SETD5: variants seen among roughly 807,000 people sequenced by gnomAD.
SETD5 encodes the protein histone-lysine N-methyltransferase SETD5.
Under a neutral mutation model 153.3 loss-of-function variants are expected in SETD5, and 44 were observed. That is an observed-to-expected ratio of 0.29 (90% CI 0.23 to 0.37). The LOEUF is 0.37. Among genes scored for constraint, SETD5 ranks in the 10% least tolerant of loss-of-function variants. SETD5 has a pLI of 1.00. For synonymous variants in SETD5, 716 were observed against 645.2 expected (o/e 1.11, Z -1.66); for missense variants, 1,544 against 1,768.0 (o/e 0.87, Z 2.27).
intron 18 of SETD5, among the ~76,000 whole-genome samples, chr3:9,466,569 C>T (rs1021039609): frequency 5.3e-5 from 8 of 152,016 alleles, no homozygotes; most frequent in African/African-American, 1.9e-4. Flanking sequence ...GGAAATTTTA[C>T]CTTTCTCATC....
chr3:9,464,457 C>T lies in SETD5; in HGVS notation c.2509C>T (p.Arg837Cys), dbSNP rs2044326903. 6.2e-7 allele frequency: 1 copy of T among 1,612,784 alleles called. No individual in the cohort carries two copies. The highest frequency in any genetic ancestry group is 1.3e-5 in the African/African-American group (1 of 75,010). ...GAGCCCATTAAAGAAATGGAAGTCTCGCTATCTGATGGAGCAGAATGTCAC... is the reference window on the plus strand; with the variant it reads ...GAGCCCATTAAAGAAATGGAAGTCTTGCTATCTGATGGAGCAGAATGTCAC... ...LLSPLKKWKS[R>C]YLMEQNVTKL... Residue 837 changes from arginine (R) to cysteine (C), a missense_variant, in exon 18 of 23, where the codon CGC (arginine) becomes TGC (cysteine). By Grantham distance (180) the Arg-to-Cys change is radical. Coordinates refer to ENST00000402198, the MANE Select transcript of SETD5 (RefSeq NM_001080517.3).
chr3:9,452,725 G>C (rs1449073001), intron 16 of SETD5, among the ~76,000 whole-genome samples: 1 of 142,214 alleles, frequency 7.0e-6, no homozygotes, highest in South Asian at 2.2e-4. Context: ...TTCTAAGAGG[G>C]AAAATCTATG....
chr3:9,397,771 C>G lies in SETD5; in HGVS notation c.-383C>G. 1 of 158,106 alleles carries G rather than the reference C, an allele frequency of 6.3e-6. No homozygotes were observed. Among genetic ancestry groups the G allele is most frequent in the Non-Finnish European group, 1.4e-5 (1 of 72,984 alleles). 9.8% of individuals were successfully genotyped at this position (158,106 alleles called of 1,614,324 possible). ...CGCCAGTCCGCCAACACAGTAGTGC[C>G]GGCCCCCCTCTTTCCCTGGCCCTGC... On this transcript the variant is annotated 5_prime_UTR_variant, in exon 1 of 23. Coordinates refer to ENST00000402198, the MANE Select transcript of SETD5 (RefSeq NM_001080517.3).
rs188981638 is a variant in SETD5, at chr3:9,450,782, G to T, written c.2346+2152G>T. ...CACTGTTTCATATCTCACTAAAGAG[G>T]TAAGGGCCTGGCCTTGTAAGTTAAA... On this transcript the variant is annotated intron_variant, in intron 16 of 22. Transcript: ENST00000402198. 1.5e-3 allele frequency among the ~76,000 whole-genome samples: 234 copies of T among 152,252 alleles called. 2 individuals are homozygous for T. The highest frequency in any genetic ancestry group is 1.0e-3 in the Non-Finnish European group (70 of 68,014).
At position 9,473,491 on chromosome 3, in the gene SETD5, A is replaced by G. The variant is rs2045547145; in HGVS notation, c.3451A>G (p.Thr1151Ala). The change falls in exon 20 of 23, where the codon ACT becomes GCT. Residue 1151 changes from threonine to alanine, a missense_variant. Thr to Ala is a moderately conservative substitution (Grantham distance 58). Coordinates refer to ENST00000402198, the MANE Select transcript of SETD5 (RefSeq NM_001080517.3). ...GGTAAGCCCATCAGATTCCAGAGGC[A>G]CTTCTTCATCTCACTGCAGACCTCA... ...EAVSPSDSRG[T>A]SSSHCRPQEN... 6.2e-7 allele frequency: 1 copy of G among 1,613,588 alleles called. No homozygotes were observed. The highest frequency in any genetic ancestry group is 8.5e-7 in the Non-Finnish European group (1 of 1,179,808).
chr3:9,413,477 A>T (rs1467937330), intron 1 of SETD5, among the ~76,000 whole-genome samples: 1 of 151,916 alleles, frequency 6.6e-6, no homozygotes, highest in African/African-American at 2.4e-5. Context: ...CCCTGACTTT[A>T]TTGCTGCCCA....
chr3:9,413,237 A>G (rs1041072960), intron 1 of SETD5, among the ~76,000 whole-genome samples: 2 of 152,164 alleles, frequency 1.3e-5, no homozygotes, highest in Non-Finnish European at 2.9e-5. Context: ...TAATGAGTTT[A>G]TACTAAGAGG....
chr3:9,474,322 T>C, intron 20 of SETD5, 127 bp from the exon 21 acceptor site: 1 of 1,079,688 alleles, frequency 9.3e-7, no homozygotes, highest in South Asian at 1.9e-5. Flanking sequence ...ATACGTTGTT[T>C]TAAATTGGTT....
chr3:9,443,233 A>C (rs1211453304), intron 10 of SETD5, 75 bp from the exon 11 acceptor site: 1 of 1,039,528 alleles, frequency 9.6e-7, no homozygotes. Context: ...AATGGAGAGA[A>C]AGTATGGTTT....
intron 1 of SETD5, among the ~76,000 whole-genome samples, chr3:9,411,157 C>A (rs149343873): frequency 6.6e-6 from 1 of 152,122 alleles, no homozygotes; most frequent in East Asian, 1.9e-4. Flanking sequence ...AATTCTCTCT[C>A]TTGAAATGCC....
rs947333514 is a variant in SETD5, at chr3:9,439,754, T to G, written c.568-702T>G. On this transcript the variant is annotated intron_variant, in intron 7 of 22. Coordinates refer to ENST00000402198, the MANE Select transcript of SETD5 (RefSeq NM_001080517.3). ...TATAGCAAAGTACCTCCTAGACATT[T>G]TCTATATTCTCCCTACCTACTCCTC... 1.6e-4 allele frequency among the ~76,000 whole-genome samples: 24 copies of G among 152,206 alleles called. 1 individual carries two copies. Among genetic ancestry groups the G allele is most frequent in the Admixed American group, 4.6e-4 (7 of 15,286 alleles).
intron 1 of SETD5, among the ~76,000 whole-genome samples, chr3:9,423,879 A>G (rs2038776569): frequency 6.6e-6 from 1 of 152,226 alleles, no homozygotes; most frequent in African/African-American, 2.4e-5. Context: ...TTTGGAAGGT[A>G]GAAAATTAAT....
intron 1 of SETD5, among the ~76,000 whole-genome samples, chr3:9,415,425 A>T (rs1280222842): frequency 6.6e-6 from 1 of 152,202 alleles, no homozygotes; most frequent in Non-Finnish European, 1.5e-5. Flanking sequence ...ATAACAAGCC[A>T]CTAGCTAGCT....
At chr3:9,424,110 AGT>A (rs2038812283) in intron 1 of SETD5, among the ~76,000 whole-genome samples, 1 of 152,196 alleles carries the variant, frequency 6.6e-6, no homozygotes, top group Non-Finnish European at 1.5e-5. Context: ...GAATTTGAGA[AGT>A]GTTCAGTGAA....
chr3:9,433,378 G>A (rs1305266987), intron 3 of SETD5: 1 of 1,289,852 alleles, frequency 7.8e-7, no homozygotes, highest in Non-Finnish European at 1.0e-6. Context: ...AGGGTATCCT[G>A]TCTTGGTAGT....
rs1210341028 is a variant in SETD5, at chr3:9,397,648, AGCT to A, written c.-503_-501del. On this transcript the variant is annotated 5_prime_UTR_variant, in exon 1 of 23. Transcript: ENST00000402198. ...TTCCGCTCGGGCAGCGGGCTGAGTG[AGCT>A]GCCGCCGCCGCCGCCGCCGCCGCCG... is the stretch of plus-strand genomic sequence containing the variant. The A allele has an allele frequency of 5.0e-5, 6 of 120,472 alleles. No homozygotes were observed. Among genetic ancestry groups the A allele is most frequent in the South Asian group, 2.6e-4 (1 of 3,804 alleles). The allele number at this position is 120,472 out of a possible 1,614,324, so 7.5% of individuals were successfully genotyped here.
intron 21 of SETD5, chr3:9,474,843 C>T (rs527847281): frequency 3.2e-6 from 2 of 619,952 alleles, no homozygotes; most frequent in Non-Finnish European, 5.5e-6. Context: ...AAATCTACCT[C>T]GATGAAGGAT....
chr3:9,468,853 AG>A (rs1050149978), intron 18 of SETD5, among the ~76,000 whole-genome samples: 2 of 150,758 alleles, frequency 1.3e-5, no homozygotes, highest in Non-Finnish European at 3.0e-5. Context: ...CGTTTGGGGG[AG>A]GGGGTGGCTG....
intron 15 of SETD5, 74 bp downstream of exon 15, chr3:9,448,080 C>A (rs1015055722): frequency 2.1e-5 from 30 of 1,445,676 alleles, no homozygotes; most frequent in Non-Finnish European, 2.8e-5. Flanking sequence ...GACCTATAAT[C>A]CCTAGAAGAA....
Sources: allele counts gnomAD v4.1 joint callset (sites outside exome capture counted in the v4.1 genomes callset), GRCh38; gene constraint gnomAD v4.1.1; transcripts MANE v1.5; gene names NCBI Gene and HGNC (gene_info 2026-07-23, HGNC 2026-07-21).